PPP1R36: variants seen among roughly 807,000 people sequenced by gnomAD.
PPP1R36 encodes chromosome 14 open reading frame 50.
In PPP1R36, 47 loss-of-function variants were observed where a neutral mutation model predicts 53.4. That is an observed-to-expected ratio of 0.88 (90% CI 0.70 to 1.12). PPP1R36 has a LOEUF of 1.12. Ranked by LOEUF, PPP1R36 falls within the 50% of genes most tolerant of loss-of-function variation. The pLI is 0.00. For synonymous variants in PPP1R36, 153 were observed against 170.5 expected (o/e 0.90, Z 0.80); for missense variants, 456 against 513.9 (o/e 0.89, Z 1.09).
intron 3 of PPP1R36, among the ~76,000 whole-genome samples, chr14:64,554,414 G>A (rs2080129364): frequency 6.6e-6 from 1 of 152,066 alleles, no homozygotes; most frequent in South Asian, 2.1e-4. Context: ...GCCTCCCAAA[G>A]TGCTGGGATT....
rs146739484 is a variant in PPP1R36, at chr14:64,565,998, G to A, written c.434+306G>A. Reference sequence around the variant, plus strand: ...ATATACCCATTTACTGGCCAGGTGCGGTGGCTCACGCCTGTAATCCCAACA... The same window carrying A: ...ATATACCCATTTACTGGCCAGGTGCAGTGGCTCACGCCTGTAATCCCAACA... On this transcript the variant is annotated intron_variant, in intron 6 of 11. Transcript: ENST00000298705. Among the ~76,000 whole-genome samples the A allele has an allele frequency of 2.0e-3, 304 of 152,268 alleles. 2 individuals carry two copies. Among genetic ancestry groups the A allele is most frequent in the African/African-American group, 6.9e-3 (285 of 41,554 alleles).
intron 6 of PPP1R36, among the ~76,000 whole-genome samples, chr14:64,567,023 G>T (rs1416728488): frequency 2.0e-5 from 3 of 152,134 alleles, no homozygotes; most frequent in African/African-American, 7.2e-5. Flanking sequence ...TGTTTCCTGA[G>T]ATCACTCCCA....
At chr14:64,553,896 G>A (rs1179527657) in intron 3 of PPP1R36, among the ~76,000 whole-genome samples, 2 of 151,708 alleles carry the variant, frequency 1.3e-5, no homozygotes, top group Admixed American at 1.3e-4. Context: ...GGCCGTTAAG[G>A]GAGTTGGAAA....
At chr14:64,568,046 T>A (rs1003362819) in intron 6 of PPP1R36, among the ~76,000 whole-genome samples, 1 of 152,216 alleles carries the variant, frequency 6.6e-6, no homozygotes, top group Non-Finnish European at 1.5e-5. Flanking sequence ...TTCTCTACAT[T>A]TTTTAAACAA....
chr14:64,551,058 A>G, intron 2 of PPP1R36, 73 bp downstream of exon 2: 3 of 971,636 alleles, frequency 3.1e-6, no homozygotes, highest in Non-Finnish European at 3.2e-6. Flanking sequence ...AAGCAACAGA[A>G]GAGTATAGAG....
intron 3 of PPP1R36, among the ~76,000 whole-genome samples, chr14:64,556,303 A>G (rs546729226): frequency 6.6e-6 from 1 of 151,804 alleles, no homozygotes; most frequent in Non-Finnish European, 1.5e-5. Context: ...GGGTTTTACC[A>G]TGTTGCCCAG....
intron 8 of PPP1R36, among the ~76,000 whole-genome samples, chr14:64,577,868 G>A (rs1487456818): frequency 6.6e-6 from 1 of 151,604 alleles, no homozygotes; most frequent in Admixed American, 6.6e-5. Context: ...TGGGACTACA[G>A]GCGCCCGCCA....
chr14:64,563,518 TATTATGTAC>T (rs1230552861), intron 3 of PPP1R36, among the ~76,000 whole-genome samples: 1 of 151,292 alleles, frequency 6.6e-6, no homozygotes, highest in East Asian at 1.9e-4. Context: ...CTTGAGGTAA[TATTATGTAC>T]ATGCTTTTGG....
rs1432503831 is a variant in PPP1R36 at position 64,550,051 on chromosome 14, C to G, written c.54C>G (p.Thr18=). 1 of 1,568,072 alleles carries G rather than the reference C, an allele frequency of 6.4e-7. No individual in the cohort carries two copies. The highest frequency in any genetic ancestry group is 1.4e-5 in the African/African-American group (1 of 73,950). ...YARRKRLGGQ[T]PYLMDQLGLR... is the part of the protein sequence containing the mutation. ...GGAGGAAGCGGTTAGGTGGGCAGAC[C>G]CCTTACTTGATGGATGTAAGTGCAG... The change falls in exon 1 of 12, where the codon ACC becomes ACG. Residue 18 remains threonine, a synonymous_variant. Coordinates refer to ENST00000298705, the MANE Select transcript of PPP1R36 (RefSeq NM_172365.3).
chr14:64,554,142 G>GTTTTTTTTTTTTT (rs367753961), intron 3 of PPP1R36, among the ~76,000 whole-genome samples: 2 of 65,260 alleles, frequency 3.1e-5, no homozygotes, highest in African/African-American at 1.2e-4. Context: ...CATCACAATT[G>GTTTTTTTTTTTTT]TTTTTTTTTT....
At position 64,589,135 on chromosome 14, in the gene PPP1R36, A is replaced by C; in HGVS notation, c.1083-17A>C. On this transcript the variant is annotated splice_polypyrimidine_tract_variant and intron_variant, in intron 11 of 11. Transcript: ENST00000298705. ...TTGGCCTCATCACTTCAGCTATCCC[A>C]ATAATTCTTTTCACAGAGTTGGCAT... The C allele has an allele frequency of 6.2e-7, 1 of 1,606,084 alleles. No individual in the cohort carries two copies. Among genetic ancestry groups the C allele is most frequent in the Non-Finnish European group, 8.5e-7 (1 of 1,175,442 alleles).
intron 3 of PPP1R36, among the ~76,000 whole-genome samples, chr14:64,563,128 A>G (rs1405073697): frequency 2.0e-5 from 3 of 152,062 alleles, no homozygotes; most frequent in Non-Finnish European, 2.9e-5. Context: ...GGCCTCCCAA[A>G]GTGTTGGGAT....
Position 64,586,880 on chromosome 14 carries a change from G to T in PPP1R36, c.711+1G>T. 1.2e-6 allele frequency: 2 copies of T among 1,611,234 alleles called. No homozygotes were observed. The highest frequency in any genetic ancestry group is 1.7e-6 in the Non-Finnish European group (2 of 1,177,660). On this transcript the variant is annotated splice_donor_variant, in intron 9 of 11. Coordinates refer to ENST00000298705, the MANE Select transcript of PPP1R36 (RefSeq NM_172365.3). LOFTEE classifies it high-confidence loss of function. ...ACAGAAAGACTGGAAGTTCTTTGAG[G>T]TGAGTCACTTATGTTTTGGTGCTTT...
At chr14:64,550,107 C>CA in intron 1 of PPP1R36, 41 bp downstream of exon 1, 1 of 1,543,674 alleles carries the variant, frequency 6.5e-7, no homozygotes, top group Non-Finnish European at 8.8e-7. Context: ...GGGCTGGGCG[C>CA]AAGGCGGGCC....
intron 3 of PPP1R36, among the ~76,000 whole-genome samples, chr14:64,556,762 ATGTGTGTGTG>A (rs369620598): frequency 4.5e-5 from 6 of 133,970 alleles, no homozygotes; most frequent in Non-Finnish European, 7.8e-5. Flanking sequence ...TCTCCAAAAA[ATGTGTGTGTG>A]TGTGTGTGTG....
At chr14:64,556,870 C>T (rs899803829) in intron 3 of PPP1R36, among the ~76,000 whole-genome samples, 10 of 151,002 alleles carry the variant, frequency 6.6e-5, no homozygotes, top group Non-Finnish European at 1.2e-4. Flanking sequence ...GCTGGAGTGC[C>T]GTGGCATGAT....
At chr14:64,550,184 G>A (rs2080083104) in intron 1 of PPP1R36, 118 bp downstream of exon 1, 2 of 1,458,038 alleles carry the variant, frequency 1.4e-6, no homozygotes, top group Non-Finnish European at 1.8e-6. Flanking sequence ...CTTCGCCCCG[G>A]GCTGGCGGTT....
chr14:64,563,171 TTTTTA>T (rs1249072461), intron 3 of PPP1R36, among the ~76,000 whole-genome samples: 7 of 152,240 alleles, frequency 4.6e-5, no homozygotes, highest in South Asian at 2.1e-4. Flanking sequence ...CGGCCTCACT[TTTTTA>T]TTTTATTTTT....
Position 64,564,838 on chromosome 14 carries a change from G to T in PPP1R36, c.269+1G>T. The T allele has an allele frequency of 6.3e-7, 1 of 1,595,842 alleles. No individual in the cohort carries two copies. Among genetic ancestry groups the T allele is most frequent in the Non-Finnish European group, 8.5e-7 (1 of 1,170,756 alleles). Reference sequence around the variant, plus strand: ...AAACTGATGGTCCAGCTTCAGACAGGTAGATTAACTTCCCAATCATGCCAG... The same window carrying T: ...AAACTGATGGTCCAGCTTCAGACAGTTAGATTAACTTCCCAATCATGCCAG... On this transcript the variant is annotated splice_donor_variant, in intron 4 of 11. Coordinates refer to ENST00000298705, the MANE Select transcript of PPP1R36 (RefSeq NM_172365.3). LOFTEE classifies it high-confidence loss of function.
Sources: allele counts gnomAD v4.1 joint callset (sites outside exome capture counted in the v4.1 genomes callset), GRCh38; gene constraint gnomAD v4.1.1; transcripts MANE v1.5; gene names NCBI Gene and HGNC (gene_info 2026-07-23, HGNC 2026-07-21).